The following PKHD1 variants were observed in gnomAD, a reference collection of about 807,000 sequenced individuals.
PKHD1 encodes the protein fibrocystin.
Under a neutral mutation model 412.0 loss-of-function variants are expected in PKHD1, and 291 were observed. The observed-to-expected ratio is 0.71, with a 90% CI of 0.64 to 0.78. PKHD1 has a LOEUF of 0.78. Ranked by LOEUF, PKHD1 falls within the 30% of genes least tolerant of loss-of-function variation. The probability of loss-of-function intolerance (pLI) is 0.00; values close to 1 mark genes in which losing one functional copy is unlikely to be tolerated. For synonymous variants in PKHD1, 1,777 were observed against 1,821.5 expected, an observed-to-expected ratio of 0.98 and a Z score of 0.62; for missense variants, 4,825 against 4,950.7, an observed-to-expected ratio of 0.97 and a Z score of 0.76.
At chr6:51,956,493 C>T (rs1019125632) in intron 36 of PKHD1, among the ~76,000 whole-genome samples, 2 of 151,972 alleles carry the variant, frequency 1.3e-5, no homozygotes, top group African/African-American at 4.8e-5. Context: ...CTTCGTCATG[C>T]ATCAGGCACT....
At chr6:51,860,499 T>C (rs1477046306) in intron 48 of PKHD1, among the ~76,000 whole-genome samples, 1 of 152,200 alleles carries the variant, frequency 6.6e-6, no homozygotes, top group Non-Finnish European at 1.5e-5. Context: ...AATCTCCCAC[T>C]CTTTACTGTT....
intron 34 of PKHD1, among the ~76,000 whole-genome samples, chr6:52,016,390 C>T (rs931334853): frequency 6.6e-6 from 1 of 152,188 alleles, no homozygotes; most frequent in Non-Finnish European, 1.5e-5. Flanking sequence ...AATCCTAGCA[C>T]TTTGGGAGAC....
intron 46 of PKHD1, among the ~76,000 whole-genome samples, chr6:51,882,674 A>C (rs1180535222): frequency 6.6e-6 from 1 of 152,200 alleles, no homozygotes; most frequent in East Asian, 1.9e-4. Flanking sequence ...TCTTTGCCCC[A>C]TCTGCATCCT....
intron 66 of PKHD1, among the ~76,000 whole-genome samples, chr6:51,623,495 T>C (rs933870399): frequency 6.6e-6 from 1 of 152,216 alleles, no homozygotes; most frequent in African/African-American, 2.4e-5. Context: ...TAGTTAATGG[T>C]TGAATCTTTT....
chr6:52,034,786 C>T (rs1803673495), intron 28 of PKHD1, among the ~76,000 whole-genome samples: 1 of 152,028 alleles, frequency 6.6e-6, no homozygotes, highest in Admixed American at 6.6e-5. Flanking sequence ...AGAGTACAAC[C>T]ACATATTGGA....
intron 60 of PKHD1, among the ~76,000 whole-genome samples, chr6:51,703,259 A>G (rs1779661930): frequency 6.6e-6 from 1 of 152,076 alleles, no homozygotes; most frequent in South Asian, 2.1e-4. Context: ...TTGCTTCTGA[A>G]TGATGGTTCT....
chr6:51,741,627 G>A (rs988495792), intron 60 of PKHD1, among the ~76,000 whole-genome samples: 12 of 152,130 alleles, frequency 7.9e-5, no homozygotes, highest in Non-Finnish European at 1.3e-4. Flanking sequence ...ATGGTCTCCC[G>A]CAGTTCCCTA....
At chr6:51,894,192 A>T (rs1266431525) in intron 43 of PKHD1, among the ~76,000 whole-genome samples, 1 of 152,210 alleles carries the variant, frequency 6.6e-6, no homozygotes, top group Non-Finnish European at 1.5e-5. Context: ...CCTGAGGGTG[A>T]AGCGCTCTAA....
At chr6:51,622,415 C>T (rs1406515894) in intron 66 of PKHD1, 1 of 152,110 alleles carries the variant, frequency 6.6e-6, no homozygotes, top group Non-Finnish European at 1.5e-5. Flanking sequence ...AAAGCCTGGA[C>T]TTTTGAGCCT....
chr6:51,820,502 T>G (rs1292651576), intron 52 of PKHD1, among the ~76,000 whole-genome samples: 1 of 152,232 alleles, frequency 6.6e-6, no homozygotes, highest in Non-Finnish European at 1.5e-5. Context: ...TTACTCAACC[T>G]TCTAACAGAG....
rs531874217 is a variant in PKHD1 at position 51,883,488 on chromosome 6, A to C, written c.7216-261T>G. On this transcript the variant is annotated intron_variant, in intron 45 of 66. Transcript: ENST00000371117. ...TTAAAAAGATCAATATGAATTCTCC[A>C]CATATCTAAAATAAACTTGGAGTGG... 5.3e-5 allele frequency among the ~76,000 whole-genome samples: 8 copies of C among 152,320 alleles called. No homozygotes were observed. In the South Asian group the frequency reaches 1.4e-3, roughly 28 times the overall value.
rs2150411597 is a variant in PKHD1, at chr6:51,659,114, G to T, written c.11012C>A (p.Thr3671Lys). ...TGAAATCATTCCAGTGCTCCTTACT[G>T]TTGGCGAATCACCAATTTCAATGAC... ...VIVIEIGDSPTVRSTGMISSL... is the reference protein window; with the variant it reads ...VIVIEIGDSPKVRSTGMISSL... The change falls in exon 61 of 67, where the codon ACA becomes AAA. Residue 3671 changes from threonine (T) to lysine (K), a missense_variant. Transcript: ENST00000371117. 6.2e-7 allele frequency: 1 copy of T among 1,613,842 alleles called. No individual in the cohort carries two copies. The highest frequency in any genetic ancestry group is 2.2e-5 in the East Asian group (1 of 44,858).
In PKHD1 at chr6:52,043,080, G is replaced by A. The variant is rs567481772; in HGVS notation, c.2876C>T (p.Ser959Phe). The change falls in exon 27 of 67, where the codon TCC becomes TTC. Residue 959 changes from serine (S) to phenylalanine (F), a missense_variant. Ser to Phe is a radical substitution (Grantham distance 155). Transcript: ENST00000371117. ...GTTCACTGTAACCTGCAAGAACTGG[G>A]AGTCACCAGAGAAACCAGTTCCGGT... ...YITGTGFSGDSQFLQVTVNKT... is the reference protein window; with the variant it reads ...YITGTGFSGDFQFLQVTVNKT... The A allele has an allele frequency of 4.3e-6, 7 of 1,613,290 alleles. No homozygotes were observed. In the East Asian group the frequency reaches 8.9e-5, roughly 21 times the overall value.
chr6:51,791,324 A>C lies in PKHD1; in HGVS notation c.8352T>G (p.Tyr2784Ter). The C allele has an allele frequency of 6.2e-7, 1 of 1,613,542 alleles. No individual in the cohort carries two copies. The highest frequency in any genetic ancestry group is 8.5e-7 in the Non-Finnish European group (1 of 1,179,496). ...CAGGGAAGTCTAAGGTCCCCATCAC[A>C]TACAGCCCTTTGAAGAATGGAAGAT... The part of the protein sequence containing the change: ...DTDLPFFKGL[Y>*]VMGTLDFPVD... Residue 2784 changes from tyrosine (Y) to a stop codon, truncating the protein, a stop_gained, in exon 53 of 67, where the codon TAT becomes TAG. Coordinates refer to ENST00000371117, the MANE Select transcript of PKHD1 (RefSeq NM_138694.4). LOFTEE classifies it high-confidence loss of function.
chr6:51,959,991 G>A lies in PKHD1; in HGVS notation c.5787C>T (p.Ser1929=), dbSNP rs1561990875. Residue 1929 remains serine, a synonymous_variant, in exon 36 of 67, where the codon TCC becomes TCT. Coordinates refer to ENST00000371117, the MANE Select transcript of PKHD1 (RefSeq NM_138694.4). ...NFSLQFCRRW[S]RTHSWFPERL... The stretch of plus-strand genomic sequence containing the variant: ...TTTCAGGAAACCAGCTGTGAGTCCT[G>A]GACCATCTCCGGCAGAACTGTAAAG... The A allele has an allele frequency of 6.2e-7, 1 of 1,613,448 alleles. No homozygotes were observed. The highest frequency in any genetic ancestry group is 1.7e-4 in the Middle Eastern group (1 of 6,056).
intron 28 of PKHD1, 101 bp from the exon 29 acceptor site, chr6:52,033,266 T>A: frequency 2.1e-6 from 2 of 964,316 alleles, no homozygotes; most frequent in Non-Finnish European, 3.2e-6. Flanking sequence ...AAAGTTAATT[T>A]TAAGAAAGTT....
chr6:51,951,951 C>T (rs1790430113), intron 36 of PKHD1, among the ~76,000 whole-genome samples: 1 of 152,162 alleles, frequency 6.6e-6, no homozygotes, highest in Admixed American at 6.5e-5. Flanking sequence ...TCTTTCATTA[C>T]TGAAAATATT....
At chr6:52,077,398 C>T (rs560971581) in intron 5 of PKHD1, among the ~76,000 whole-genome samples, 75 of 152,242 alleles carry the variant, frequency 4.9e-4, no homozygotes, top group Non-Finnish European at 7.4e-4. Context: ...GACCTAGTCT[C>T]CCCTTCCCTC....
At chr6:51,957,052 C>T (rs1158387105) in intron 36 of PKHD1, among the ~76,000 whole-genome samples, 1 of 152,062 alleles carries the variant, frequency 6.6e-6, no homozygotes, top group Non-Finnish European at 1.5e-5. Context: ...ATATCCATTA[C>T]TTAAACCCAT....
Sources: gnomAD v4.1 joint callset for allele counts (sites outside exome capture counted in the v4.1 genomes callset) on GRCh38, gnomAD v4.1.1 for gene constraint, MANE v1.5 for transcripts, NCBI Gene and HGNC (gene_info 2026-07-23, HGNC 2026-07-21) for gene names.